DIAPH3: variants seen among roughly 807,000 people sequenced by gnomAD.
The protein encoded by DIAPH3 is diaphanous related formin 3, also known as protein diaphanous homolog 3.
A neutral mutation model predicts 144.3 loss-of-function variants in DIAPH3; 117 were observed. The ratio of observed to expected loss-of-function variants is 0.81; its 90% confidence interval spans 0.70 to 0.95. DIAPH3 has a LOEUF of 0.95. Ranked by LOEUF, DIAPH3 falls within the 40% of genes least tolerant of loss-of-function variation. DIAPH3 has a pLI of 0.00. For synonymous variants in DIAPH3, 519 were observed against 488.9 expected (o/e 1.06, Z -0.81); for missense variants, 1,421 against 1,412.7 (o/e 1.01, Z -0.09).
chr13:59,937,488 C>T (rs2048322119), intron 17 of DIAPH3, among the ~76,000 whole-genome samples: 1 of 152,126 alleles, frequency 6.6e-6, no homozygotes, highest in Non-Finnish European at 1.5e-5. Flanking sequence ...TGCTAAGCAA[C>T]TTGAGACTAG....
At chr13:60,042,613 C>CA in intron 5 of DIAPH3, 77 bp downstream of exon 5, 1 of 1,577,924 alleles carries the variant, frequency 6.3e-7, no homozygotes, top group Non-Finnish European at 8.7e-7. Context: ...GTTTACCAGG[C>CA]AAAATGAAAA....
rs556440776 is a variant in DIAPH3 at position 59,947,001 on chromosome 13, C to G, written c.2075-22131G>C. Among the ~76,000 whole-genome samples, 4 of 152,226 alleles carry G rather than the reference C, an allele frequency of 2.6e-5. No individual in the cohort carries two copies. The South Asian group carries it at 8.3e-4, about 32-fold the overall frequency. On this transcript the variant is annotated intron_variant, in intron 17 of 27. Coordinates refer to ENST00000400324, the MANE Select transcript of DIAPH3 (RefSeq NM_001042517.2). ...TAAATCAAGAACTGTCAATCAGCAC[C>G]ATTTGTTTGTAATCCCTCATCAGAA...
intron 16 of DIAPH3, among the ~76,000 whole-genome samples, 179 bp downstream of exon 16, chr13:59,970,673 C>T (rs1756041045): frequency 6.6e-6 from 1 of 151,402 alleles, no homozygotes; most frequent in Admixed American, 6.6e-5. Context: ...GGGATTTGTC[C>T]CAATACTTTA....
chr13:59,999,028 G>C (rs1031198343), intron 9 of DIAPH3, among the ~76,000 whole-genome samples: 2 of 152,060 alleles, frequency 1.3e-5, no homozygotes, highest in African/African-American at 4.8e-5. Flanking sequence ...AGATATAACT[G>C]TTTATTATAA....
intron 4 of DIAPH3, among the ~76,000 whole-genome samples, chr13:60,066,288 T>C (rs189733970): frequency 2.0e-5 from 3 of 152,278 alleles, no homozygotes; most frequent in African/African-American, 7.2e-5. Context: ...CTATATATTA[T>C]AAATGTTATA....
intron 18 of DIAPH3, among the ~76,000 whole-genome samples, chr13:59,922,731 T>C (rs2047577395): frequency 6.6e-6 from 1 of 152,098 alleles, no homozygotes; most frequent in Non-Finnish European, 1.5e-5. Context: ...CATCATAATA[T>C]GACATGGTAT....
At chr13:59,834,167 C>T (rs1307819303) in intron 23 of DIAPH3, among the ~76,000 whole-genome samples, 1 of 151,626 alleles carries the variant, frequency 6.6e-6, no homozygotes, top group Non-Finnish European at 1.5e-5. Flanking sequence ...CATTAGAAAA[C>T]ATTTTCTAAA....
intron 5 of DIAPH3, among the ~76,000 whole-genome samples, chr13:60,033,308 T>A (rs527620585): frequency 1.3e-5 from 2 of 152,332 alleles, no homozygotes; most frequent in South Asian, 2.1e-4. Context: ...CATTTTCAGA[T>A]ATTTTTACAG....
Position 60,163,682 on chromosome 13 carries a change from C to T in DIAPH3, c.85G>A (p.Gly29Ser). Reference sequence around the variant, plus strand: ...CGCGGCATCTTGCTTTCCCGGCAGCCGCGGAGAGAGGCTGAGGAAGGGTAG... The same window carrying T: ...CGCGGCATCTTGCTTTCCCGGCAGCTGCGGAGAGAGGCTGAGGAAGGGTAG... ...TPYPSSASLR[G>S]CRESKMPRRK... Residue 29 changes from glycine to serine, a missense_variant, in exon 1 of 28, where the codon GGC becomes AGC. Transcript: ENST00000400324. 1 of 1,607,784 alleles carries T rather than the reference C, an allele frequency of 6.2e-7. No individual in the cohort carries two copies. Among genetic ancestry groups the T allele is most frequent in the South Asian group, 1.1e-5 (1 of 90,786 alleles).
chr13:60,129,076 T>C (rs1197910677), intron 2 of DIAPH3, among the ~76,000 whole-genome samples: 1 of 152,028 alleles, frequency 6.6e-6, no homozygotes, highest in Non-Finnish European at 1.5e-5. Flanking sequence ...TGTAGACAAA[T>C]GGTTATGAAG....
chr13:59,813,858 C>CA (rs34778897), intron 24 of DIAPH3, among the ~76,000 whole-genome samples: 12,225 of 90,942 alleles, frequency 0.13, 676 homozygotes, highest in South Asian at 0.28. Context: ...GACTTTGTCT[C>CA]AAAAAAAAAA....
At chr13:59,928,829 C>T (rs2047878322) in intron 17 of DIAPH3, among the ~76,000 whole-genome samples, 2 of 152,236 alleles carry the variant, frequency 1.3e-5, no homozygotes, top group Middle Eastern at 3.4e-3. Flanking sequence ...CCCGGGGCAG[C>T]AAACATAGGT....
chr13:59,953,243 A>G (rs558795716), intron 17 of DIAPH3, among the ~76,000 whole-genome samples: 1 of 152,174 alleles, frequency 6.6e-6, no homozygotes, highest in African/African-American at 2.4e-5. Flanking sequence ...TATACCTGGC[A>G]TATCTGGGGT....
At chr13:59,875,658 A>C (rs779647741) in intron 21 of DIAPH3, among the ~76,000 whole-genome samples, 4 of 152,190 alleles carry the variant, frequency 2.6e-5, no homozygotes, top group Non-Finnish European at 4.4e-5. Context: ...ATTTTTGCTC[A>C]TGAAGTGAAG....
At chr13:59,783,551 A>G (rs887737700) in intron 25 of DIAPH3, among the ~76,000 whole-genome samples, 2 of 152,232 alleles carry the variant, frequency 1.3e-5, no homozygotes, top group African/African-American at 4.8e-5. Flanking sequence ...CGTACCTGAA[A>G]CTATGGAAAA....
intron 27 of DIAPH3, among the ~76,000 whole-genome samples, chr13:59,710,409 T>C (rs909943469): frequency 5.9e-5 from 9 of 151,970 alleles, no homozygotes; most frequent in Non-Finnish European, 1.2e-4. Flanking sequence ...AGTTAAAAAA[T>C]GGCACAACAA....
chr13:59,694,155 C>A (rs2033676300), intron 27 of DIAPH3, among the ~76,000 whole-genome samples: 1 of 151,976 alleles, frequency 6.6e-6, no homozygotes, highest in African/African-American at 2.4e-5. Context: ...TCAGTGACAT[C>A]AAGAAAAATA....
chr13:59,908,128 T>C (rs982892864), intron 20 of DIAPH3, among the ~76,000 whole-genome samples: 1 of 152,028 alleles, frequency 6.6e-6, no homozygotes, highest in African/African-American at 2.4e-5. Context: ...CCCAGCACTT[T>C]GGGAGATCGA....
chr13:60,099,738 T>C (rs1257464030), intron 3 of DIAPH3, among the ~76,000 whole-genome samples: 2 of 152,120 alleles, frequency 1.3e-5, no homozygotes, highest in Non-Finnish European at 2.9e-5. Flanking sequence ...CTAATTAAAA[T>C]CTATATCTAA....
Sources: gnomAD v4.1 joint callset for allele counts (sites outside exome capture counted in the v4.1 genomes callset) on GRCh38, gnomAD v4.1.1 for gene constraint, MANE v1.5 for transcripts, NCBI Gene and HGNC (gene_info 2026-07-23, HGNC 2026-07-21) for gene names.